FOXK1: variants seen among roughly 807,000 people sequenced by gnomAD.
FOXK1 encodes the protein forkhead box protein K1.
In FOXK1, 19 loss-of-function variants were observed where a neutral mutation model predicts 51.9. The ratio of observed to expected loss-of-function variants is 0.37; its 90% CI spans 0.26 to 0.54. The LOEUF (loss-of-function observed/expected upper bound fraction) is 0.54, where lower values mean the gene tolerates loss of function less well. Ranked by LOEUF, FOXK1 falls within the 20% of genes least tolerant of loss-of-function variation. FOXK1 has a pLI of 0.87. For synonymous variants in FOXK1, 537 were observed against 482.6 expected, an observed-to-expected ratio of 1.11 and a Z score of -1.48; for missense variants, 870 against 1,032.7, an observed-to-expected ratio of 0.84 and a Z score of 2.16.
rs1351645704 is a variant in FOXK1, at chr7:4,756,265, C to T, written c.1051-729C>T. Among the ~76,000 whole-genome samples, 3 of 152,106 alleles carry T rather than the reference C, an allele frequency of 2.0e-5. No homozygotes were observed. Among genetic ancestry groups the T allele is most frequent in the Non-Finnish European group, 2.9e-5 (2 of 68,016 alleles). Reference sequence around the variant, plus strand: ...AAGTAGCTGGGGCTACAGGTGCCCACCACCACACCTGGCTATTTTTTGTAT... The same window carrying T: ...AAGTAGCTGGGGCTACAGGTGCCCATCACCACACCTGGCTATTTTTTGTAT... On this transcript the variant is annotated intron_variant, in intron 4 of 8. Coordinates refer to ENST00000328914, the MANE Select transcript of FOXK1 (RefSeq NM_001037165.2). This position sits in a 1 kb window ranked among gnomAD's most constrained non-coding sequence, Gnocchi z 4.1.
chr7:4,746,195 A>T (rs1425851176), intron 2 of FOXK1, among the ~76,000 whole-genome samples: 1 of 152,258 alleles, frequency 6.6e-6, no homozygotes, highest in Non-Finnish European at 1.5e-5. Context: ...GTAAAAATGC[A>T]GCAACTGACT....
intron 1 of FOXK1, among the ~76,000 whole-genome samples, chr7:4,710,434 G>C (rs1562374750): frequency 6.6e-6 from 1 of 152,134 alleles, no homozygotes; most frequent in Non-Finnish European, 1.5e-5. Flanking sequence ...AATTAGCTGG[G>C]CGTGGTGAGG....
intron 6 of FOXK1, 27 bp downstream of exon 6, chr7:4,759,244 G>T (rs1267430164): frequency 3.1e-6 from 5 of 1,607,236 alleles, no homozygotes; most frequent in Middle Eastern, 1.6e-4. Context: ...CCTCTTGCGG[G>T]GCGGGGCGGG....
intron 1 of FOXK1, among the ~76,000 whole-genome samples, chr7:4,688,384 C>T (rs1230501051): frequency 6.8e-6 from 1 of 147,684 alleles, no homozygotes; most frequent in Non-Finnish European, 1.5e-5. Flanking sequence ...GTTGTTTTTT[C>T]TTTTCTTTTC....
rs879243172 is a variant in FOXK1, at chr7:4,767,684, T to TA, written c.*5221dup. On this transcript the variant is annotated 3_prime_UTR_variant, in exon 9 of 9. Transcript: ENST00000328914. This position sits in a 1 kb window ranked among gnomAD's most constrained non-coding sequence, Gnocchi z 6.6. ...ATTTTTAGATTGTTTTCCTGCATCT[T>TA]ACAATTTCCTTTTCTTTTCAAAGTT... 4 of 152,298 alleles carry TA rather than the reference T, an allele frequency of 2.6e-5. No homozygotes were observed. In the South Asian group the frequency reaches 8.3e-4, roughly 32 times the overall value. 9.4% of individuals were successfully genotyped at this position (152,298 alleles called of 1,614,324 possible).
chr7:4,689,898 G>C (rs1384000656), intron 1 of FOXK1, among the ~76,000 whole-genome samples: 1 of 152,144 alleles, frequency 6.6e-6, no homozygotes, highest in African/African-American at 2.4e-5. Context: ...GTCACGCTTG[G>C]CTGGTGCAGG....
At chr7:4,684,037 G>A (rs1035709420) in intron 1 of FOXK1, among the ~76,000 whole-genome samples, 2 of 152,080 alleles carry the variant, frequency 1.3e-5, no homozygotes, top group African/African-American at 2.4e-5. Flanking sequence ...CAGGCCTGTC[G>A]GTGCCTTTGG....
intron 1 of FOXK1, among the ~76,000 whole-genome samples, chr7:4,710,381 C>G (rs1157466197): frequency 6.6e-6 from 1 of 152,098 alleles, no homozygotes; most frequent in African/African-American, 2.4e-5. Flanking sequence ...TCAAGGCCAG[C>G]CTGGCCAACA....
At position 4,723,702 on chromosome 7, in the gene FOXK1, C is replaced by T. The variant is rs968965638; in HGVS notation, c.561-17136C>T. ...TGTTTATTTGAGATAGGGTCTTGCT[C>T]TGTCTCCCAGGCTGGAGTGCAGTGG... On this transcript the variant is annotated intron_variant, in intron 1 of 8. Coordinates refer to ENST00000328914, the MANE Select transcript of FOXK1 (RefSeq NM_001037165.2). The surrounding 1 kb of genome is among the most constrained non-coding windows in gnomAD (Gnocchi z 4.7). Among the ~76,000 whole-genome samples the T allele has an allele frequency of 6.6e-6, 1 of 152,216 alleles. No homozygotes were observed. Among genetic ancestry groups the T allele is most frequent in the Non-Finnish European group, 1.5e-5 (1 of 68,036 alleles).
chr7:4,682,498 G>T lies in FOXK1; in HGVS notation c.190G>T (p.Ala64Ser). 9.7e-7 allele frequency: 1 copy of T among 1,026,930 alleles called. No individual in the cohort carries two copies. Among genetic ancestry groups the T allele is most frequent in the Non-Finnish European group, 1.2e-6 (1 of 859,162 alleles). The allele number at this position is 1,026,930 out of a possible 1,614,324, so 63.6% of individuals were successfully genotyped here. ...PPPPPPLPPG[A>S]IAGAGSSGGS... ...GCCGCCACCGCCGCTGCCTCCGGGC[G>T]CGATCGCGGGCGCGGGCTCCTCCGG... is the stretch of plus-strand genomic sequence containing the variant. The change falls in exon 1 of 9, where the codon GCG becomes TCG. Residue 64 changes from alanine (A) to serine (S), a missense_variant. Ala to Ser is a moderately conservative substitution (Grantham distance 99, BLOSUM62 1). This residue lies in a region of FOXK1 where 399 missense variants were observed against 475.6 expected (regional missense o/e 0.84). Transcript: ENST00000328914. This position sits in a 1 kb window ranked among gnomAD's most constrained non-coding sequence, Gnocchi z 7.6.
At chr7:4,708,839 C>T (rs1000239632) in intron 1 of FOXK1, among the ~76,000 whole-genome samples, 5 of 151,986 alleles carry the variant, frequency 3.3e-5, no homozygotes, top group East Asian at 1.9e-4. Context: ...CTGAGGCGGG[C>T]GGATCACCTG....
In FOXK1 at chr7:4,722,103, AG is replaced by A. The variant is rs1780321192; in HGVS notation, c.561-18731del. ...GCCTGTGGGTGGGACGTGCTAGAGG[AG>A]GGGACTTTGGTGGGGCCTTGGGCTC... is the stretch of plus-strand genomic sequence containing the variant. On this transcript the variant is annotated intron_variant, in intron 1 of 8. Transcript: ENST00000328914. The surrounding 1 kb of genome is among the most constrained non-coding windows in gnomAD (Gnocchi z 5.1). Among the ~76,000 whole-genome samples the A allele has an allele frequency of 6.6e-6, 1 of 152,074 alleles. No homozygotes were observed. The highest frequency in any genetic ancestry group is 6.6e-5 in the Admixed American group (1 of 15,266).
intron 1 of FOXK1, among the ~76,000 whole-genome samples, chr7:4,728,622 G>A (rs1780410552): frequency 6.6e-6 from 1 of 151,832 alleles, no homozygotes; most frequent in African/African-American, 2.4e-5. Flanking sequence ...TAGGCGTGGT[G>A]GTGCAAGCCT....
In FOXK1 at chr7:4,769,039, C is replaced by CG. The variant is rs2115084680; in HGVS notation, c.*6575_*6576insG. On this transcript the variant is annotated 3_prime_UTR_variant, in exon 9 of 9. Coordinates refer to ENST00000328914, the MANE Select transcript of FOXK1 (RefSeq NM_001037165.2). The surrounding 1 kb of genome is among the most constrained non-coding windows in gnomAD (Gnocchi z 4.1). ...GCGTTCCTCCTCTGAATTGGTGAGG[C>CG]TTTGGAAATTTTTTGTTTCTTCTAC... 6.6e-6 allele frequency: 1 copy of CG among 152,300 alleles called. No individual in the cohort carries two copies. Among genetic ancestry groups the CG allele is most frequent in the East Asian group, 1.9e-4 (1 of 5,172 alleles). The allele number at this position is 152,300 out of a possible 1,614,324, so 9.4% of individuals were successfully genotyped here.
Position 4,762,524 on chromosome 7 carries a change from G to A in FOXK1, c.*60G>A. The A allele has an allele frequency of 6.8e-7, 1 of 1,481,170 alleles. No homozygotes were observed. Among genetic ancestry groups the A allele is most frequent in the Non-Finnish European group, 9.0e-7 (1 of 1,107,456 alleles). 91.8% of individuals were successfully genotyped at this position (1,481,170 alleles called of 1,614,324 possible). ...AGCGGCGACCCCGAAGCTGGACCCGGCAGCTCAGGCGGCCGCACCCACAGA... is the reference window on the plus strand; with the variant it reads ...AGCGGCGACCCCGAAGCTGGACCCGACAGCTCAGGCGGCCGCACCCACAGA... On this transcript the variant is annotated 3_prime_UTR_variant, in exon 9 of 9. Transcript: ENST00000328914. This position sits in a 1 kb window ranked among gnomAD's most constrained non-coding sequence, Gnocchi z 5.7.
In FOXK1 at chr7:4,725,346, C is replaced by T. The variant is rs1250168051; in HGVS notation, c.561-15492C>T. Among the ~76,000 whole-genome samples the T allele has an allele frequency of 2.0e-5, 3 of 152,322 alleles. No homozygotes were observed. The South Asian group carries it at 6.2e-4, about 32-fold the overall frequency. ...CCCAGTCCCTTGGTCTGACCGGGGGCGCTGCTTTTGTTCAGAAAGCGGTGG... is the reference window on the plus strand; with the variant it reads ...CCCAGTCCCTTGGTCTGACCGGGGGTGCTGCTTTTGTTCAGAAAGCGGTGG... On this transcript the variant is annotated intron_variant, in intron 1 of 8. Transcript: ENST00000328914.
rs1285473873 is a variant in FOXK1, at chr7:4,734,965, T to C, written c.561-5873T>C. Among the ~76,000 whole-genome samples the C allele has an allele frequency of 6.6e-6, 1 of 152,230 alleles. No homozygotes were observed. Among genetic ancestry groups the C allele is most frequent in the East Asian group, 1.9e-4 (1 of 5,200 alleles). ...GGCTCTTCCTTCCCTCTCTGATTAT[T>C]TCTCTGAGTCTGAAATGATGACAAT... On this transcript the variant is annotated intron_variant, in intron 1 of 8. Transcript: ENST00000328914. This position sits in a 1 kb window ranked among gnomAD's most constrained non-coding sequence, Gnocchi z 5.2.
chr7:4,764,273 T>G lies in FOXK1; in HGVS notation c.*1809T>G, dbSNP rs1249351234. The G allele has an allele frequency of 2.6e-5, 4 of 154,432 alleles. No homozygotes were observed. Among genetic ancestry groups the G allele is most frequent in the African/African-American group, 9.6e-5 (4 of 41,518 alleles). The allele number at this position is 154,432 out of a possible 1,614,324, so 9.6% of individuals were successfully genotyped here. ...CCACCTAGATAGAGAAAACCCCTTG[T>G]TCGGTTTCCTTCCCGTGTCCCGTTG... On this transcript the variant is annotated 3_prime_UTR_variant, in exon 9 of 9. Transcript: ENST00000328914.
rs139515589 is a variant in FOXK1 at position 4,713,281 on chromosome 7, C to A, written c.561-27557C>A. On this transcript the variant is annotated intron_variant, in intron 1 of 8. Transcript: ENST00000328914. ...ATCGTAACAGTGCTCTGTGCCAGGCCCCAAGCTAGGCTCTGGGGTTGGGGC... is the reference window on the plus strand; with the variant it reads ...ATCGTAACAGTGCTCTGTGCCAGGCACCAAGCTAGGCTCTGGGGTTGGGGC... Among the ~76,000 whole-genome samples the A allele has an allele frequency of 3.3e-3, 501 of 152,104 alleles. 4 individuals are homozygous for A. Among genetic ancestry groups the A allele is most frequent in the African/African-American group, 0.012 (487 of 41,458 alleles).
Sources: gnomAD v4.1 joint callset for allele counts (sites outside exome capture counted in the v4.1 genomes callset) on GRCh38, gnomAD v4.1.1 for gene constraint, gnomAD v4.1.1 regional missense constraint, Gnocchi (gnomAD v3.1) non-coding constraint, MANE v1.5 for transcripts, NCBI Gene and HGNC (gene_info 2026-07-23, HGNC 2026-07-21) for gene names.